ANKS1B: variants seen among roughly 807,000 people sequenced by gnomAD.
ANKS1B encodes the protein ankyrin repeat and sterile alpha motif domain-containing protein 1B.
Under a neutral mutation model 148.3 loss-of-function variants are expected in ANKS1B, and 36 were observed. The observed-to-expected ratio is 0.24, with a 90% CI of 0.19 to 0.32. The LOEUF (loss-of-function observed/expected upper bound fraction) is 0.32. Among genes scored for constraint, ANKS1B ranks in the 10% least tolerant of loss-of-function variants. The pLI is 1.00. For missense variants in ANKS1B, 1,157 were observed against 1,542.6 expected (o/e 0.75, Z 4.19); for synonymous variants, 542 against 560.8 (o/e 0.97, Z 0.47).
chr12:99,121,947 G>T (rs1459479387), intron 15 of ANKS1B, among the ~76,000 whole-genome samples: 5 of 152,138 alleles, frequency 3.3e-5, no homozygotes, highest in Admixed American at 1.3e-4. Context: ...AGTTGGTAAG[G>T]TTTTAGGAAT....
At chr12:99,554,435 C>T (rs1305477905) in intron 9 of ANKS1B, among the ~76,000 whole-genome samples, 4 of 152,112 alleles carry the variant, frequency 2.6e-5, no homozygotes, top group Non-Finnish European at 5.9e-5. Context: ...AATTGCTCCA[C>T]AAACTTGGGG....
intron 12 of ANKS1B, among the ~76,000 whole-genome samples, chr12:99,358,068 A>G (rs7312660): frequency 0.32 from 47,935 of 151,632 alleles, 8,503 homozygotes; most frequent in East Asian, 0.5. Flanking sequence ...TTTCTTACTA[A>G]TTTTTAGGAA....
intron 16 of ANKS1B, among the ~76,000 whole-genome samples, chr12:99,053,710 G>A (rs1455751239): frequency 6.6e-6 from 1 of 152,222 alleles, no homozygotes; most frequent in Non-Finnish European, 1.5e-5. Flanking sequence ...CATATGCACA[G>A]CACCAAAGCA....
At chr12:99,394,928 C>T (rs2094196368) in intron 12 of ANKS1B, among the ~76,000 whole-genome samples, 1 of 152,202 alleles carries the variant, frequency 6.6e-6, no homozygotes, top group South Asian at 2.1e-4. Flanking sequence ...CAAACCTTCT[C>T]TTCCCCAAAT....
At chr12:99,740,582 T>C (rs1185619676) in intron 8 of ANKS1B, among the ~76,000 whole-genome samples, 1 of 152,042 alleles carries the variant, frequency 6.6e-6, no homozygotes, top group Non-Finnish European at 1.5e-5. Flanking sequence ...CAAGTTAAAT[T>C]AAAAATTAGG....
chr12:99,025,478 C>T (rs942692317), intron 17 of ANKS1B, among the ~76,000 whole-genome samples: 6 of 152,134 alleles, frequency 3.9e-5, no homozygotes, highest in Non-Finnish European at 7.3e-5. Context: ...TTTAATTAGA[C>T]CTTGTACAAT....
chr12:98,935,209 A>G (rs1157134624), intron 17 of ANKS1B, among the ~76,000 whole-genome samples: 1 of 152,172 alleles, frequency 6.6e-6, no homozygotes, highest in Non-Finnish European at 1.5e-5. Context: ...AATTTTGTCA[A>G]TTGATTTTTC....
At chr12:99,963,055 C>T (rs1566094065) in intron 1 of ANKS1B, among the ~76,000 whole-genome samples, 1 of 152,140 alleles carries the variant, frequency 6.6e-6, no homozygotes, top group Non-Finnish European at 1.5e-5. Context: ...CCTCGTGATG[C>T]ACCCACCTCG....
At chr12:99,252,914 A>G (rs2074799218) in intron 12 of ANKS1B, among the ~76,000 whole-genome samples, 1 of 152,170 alleles carries the variant, frequency 6.6e-6, no homozygotes, top group African/African-American at 2.4e-5. Flanking sequence ...GTGAGGGAGA[A>G]AAACATTTCA....
intron 2 of ANKS1B, among the ~76,000 whole-genome samples, chr12:99,819,249 T>C (rs527279028): frequency 6.4e-4 from 97 of 152,012 alleles, no homozygotes; most frequent in Middle Eastern, 3.4e-3. Flanking sequence ...TTTCTTTACA[T>C]GTTGAATTCA....
intron 26 of ANKS1B, among the ~76,000 whole-genome samples, chr12:98,747,355 A>G (rs1432549870): frequency 6.6e-6 from 1 of 152,242 alleles, no homozygotes; most frequent in Non-Finnish European, 1.5e-5. Flanking sequence ...AAAATGCTCA[A>G]CATCACTAAT....
rs374305487 is a variant in ANKS1B at position 99,757,938 on chromosome 12, G to A, written c.1128+14984C>T. ...ACAGCACACACTGGGGTCTACTGAA[G>A]GGTTGTGGGTGGGAGAAGGGAGAGT... On this transcript the variant is annotated intron_variant, in intron 8 of 26. Coordinates refer to ENST00000683438, the MANE Select transcript of ANKS1B (RefSeq NM_001352186.2). Among the ~76,000 whole-genome samples the A allele has an allele frequency of 4.6e-5, 7 of 152,088 alleles. No individual in the cohort carries two copies. The East Asian group carries it at 1.2e-3, about 25-fold the overall frequency.
intron 1 of ANKS1B, among the ~76,000 whole-genome samples, chr12:99,947,163 A>G (rs2095084852): frequency 1.3e-5 from 2 of 151,894 alleles, no homozygotes; most frequent in South Asian, 4.2e-4. Context: ...GTTCCCTGAA[A>G]TAGGTCCTAA....
At chr12:99,496,261 C>A (rs2152983613) in intron 10 of ANKS1B, among the ~76,000 whole-genome samples, 1 of 152,196 alleles carries the variant, frequency 6.6e-6, no homozygotes, top group East Asian at 1.9e-4. Flanking sequence ...AGGTTAAAAT[C>A]AAAGGAAAAG....
At chr12:99,379,609 T>C (rs1032599437) in intron 12 of ANKS1B, among the ~76,000 whole-genome samples, 1 of 152,206 alleles carries the variant, frequency 6.6e-6, no homozygotes, top group Non-Finnish European at 1.5e-5. Flanking sequence ...ATGAATCTTG[T>C]TGAGTGAAGA....
intron 17 of ANKS1B, among the ~76,000 whole-genome samples, chr12:98,876,648 A>G (rs779270256): frequency 3.3e-5 from 5 of 152,222 alleles, no homozygotes; most frequent in Non-Finnish European, 7.3e-5. Context: ...CTGAATGGCT[A>G]AAGTGGTTAT....
At chr12:99,533,623 G>A (rs1245723027) in intron 9 of ANKS1B, among the ~76,000 whole-genome samples, 1 of 152,174 alleles carries the variant, frequency 6.6e-6, no homozygotes, top group Admixed American at 6.5e-5. Context: ...CCTTCAGGGA[G>A]AATGCTTTCA....
intron 1 of ANKS1B, among the ~76,000 whole-genome samples, chr12:99,954,175 A>C (rs1300770425): frequency 6.6e-6 from 1 of 152,262 alleles, no homozygotes; most frequent in Non-Finnish European, 1.5e-5. Context: ...TAAAATATCC[A>C]AAAATTAACA....
intron 17 of ANKS1B, among the ~76,000 whole-genome samples, chr12:98,968,950 T>C (rs2099880923): frequency 6.6e-6 from 1 of 152,220 alleles, no homozygotes; most frequent in Non-Finnish European, 1.5e-5. Flanking sequence ...TAATGTCTCT[T>C]GCACTAAGTT....
Sources: gnomAD v4.1 joint callset for allele counts (sites outside exome capture counted in the v4.1 genomes callset) on GRCh38, gnomAD v4.1.1 for gene constraint, MANE v1.5 for transcripts, NCBI Gene and HGNC (gene_info 2026-07-23, HGNC 2026-07-21) for gene names.